NLGN4X: variants seen among roughly 807,000 people sequenced by gnomAD.
NLGN4X encodes neuroligin-4, X-linked.
In NLGN4X, 3 loss-of-function variants were observed where a neutral mutation model predicts 40.3. The observed-to-expected ratio is 0.07, with a 90% CI of 0.03 to 0.19. The LOEUF is 0.19. NLGN4X is among the 10% of genes least tolerant of loss of function. The pLI is 1.00. For synonymous variants in NLGN4X, 270 were observed against 306.8 expected (o/e 0.88, Z 1.25); for missense variants, 382 against 708.3 (o/e 0.54, Z 5.23).
At chrX:6,049,739 G>T (rs2037431866) in intron 2 of NLGN4X, among the ~76,000 whole-genome samples, 1 of 36,481 alleles carries the variant, frequency 2.7e-5, no homozygotes, top group African/African-American at 8.3e-5. Flanking sequence ...ATGGGGGGGG[G>T]GGGCGGTCAC....
intron 1 of NLGN4X, among the ~76,000 whole-genome samples, chrX:6,216,879 T>C (rs1925134373): frequency 8.9e-6 from 1 of 112,018 alleles, no homozygotes; most frequent in African/African-American, 3.3e-5. Context: ...AAACTCCTGA[T>C]ATACTCCTCA....
At chrX:5,987,712 CAG>C (rs1175151154) in intron 3 of NLGN4X, among the ~76,000 whole-genome samples, 7 of 111,877 alleles carry the variant, frequency 6.3e-5, no homozygotes, top group Non-Finnish European at 1.3e-4. Flanking sequence ...AACACATCAC[CAG>C]AGAGTGATTC....
intron 2 of NLGN4X, among the ~76,000 whole-genome samples, chrX:6,104,527 GCTCTCTCT>G (rs34616814): frequency 9.7e-6 from 1 of 103,344 alleles, no homozygotes; most frequent in African/African-American, 3.5e-5. Flanking sequence ...GATCTTTTTT[GCTCTCTCT>G]CTCTCTCTCT....
intron 5 of NLGN4X, among the ~76,000 whole-genome samples, chrX:5,899,350 G>T (rs1315259170): frequency 9.0e-6 from 1 of 111,602 alleles, no homozygotes; most frequent in African/African-American, 3.3e-5. Context: ...GCATCAGAGC[G>T]TCTCTCCAAG....
chrX:6,070,155 T>C (rs2147359555), intron 2 of NLGN4X, among the ~76,000 whole-genome samples: 1 of 110,922 alleles, frequency 9.0e-6, no homozygotes, highest in Admixed American at 9.6e-5. Flanking sequence ...CAACCCTCAA[T>C]TCAAGCTACA....
chrX:5,925,542 G>A (rs1320078188), intron 3 of NLGN4X, among the ~76,000 whole-genome samples: 2 of 109,548 alleles, frequency 1.8e-5, no homozygotes, highest in Middle Eastern at 4.7e-3. Context: ...CCCAGGTATA[G>A]GATCTTAAAT....
intron 2 of NLGN4X, among the ~76,000 whole-genome samples, chrX:6,077,846 A>G (rs965252029): frequency 2.7e-5 from 3 of 111,368 alleles, no homozygotes; most frequent in Non-Finnish European, 3.8e-5. Context: ...AGATACAGGG[A>G]TTGTTCTTTG....
At position 6,108,791 on chromosome X, in the gene NLGN4X, A is replaced by G. The variant is rs759407011; in HGVS notation, c.472+42204T>C. ...TGTAGGTCTGCTCTTTAGTTAGTCA[A>G]TCCCTGCTCATCTCTCAGGTTTTGG... On this transcript the variant is annotated intron_variant, in intron 2 of 5. Coordinates refer to ENST00000381095, the MANE Select transcript of NLGN4X (RefSeq NM_181332.3). 1.2e-4 allele frequency among the ~76,000 whole-genome samples: 13 copies of G among 111,372 alleles called. No individual in the cohort carries two copies. The South Asian group carries it at 5.0e-3, about 43-fold the overall frequency.
At chrX:6,163,050 G>A (rs1181168192) in intron 1 of NLGN4X, among the ~76,000 whole-genome samples, 1 of 111,292 alleles carries the variant, frequency 9.0e-6, no homozygotes, top group Non-Finnish European at 1.9e-5. Flanking sequence ...TTTATAATGA[G>A]GAGTTCCCCT....
chrX:5,895,453 AG>A (rs2146694045), intron 5 of NLGN4X, among the ~76,000 whole-genome samples: 1 of 111,776 alleles, frequency 8.9e-6, no homozygotes, highest in Non-Finnish European at 1.9e-5. Flanking sequence ...TGTATATCAG[AG>A]TACATACTGA....
intron 3 of NLGN4X, among the ~76,000 whole-genome samples, chrX:6,027,912 G>A (rs1017317267): frequency 2.7e-5 from 3 of 109,309 alleles, no homozygotes; most frequent in African/African-American, 1.0e-4. Context: ...GACCTACTGG[G>A]TTCCAGAGAT....
chrX:5,970,490 T>C (rs1390272225), intron 3 of NLGN4X, among the ~76,000 whole-genome samples: 1 of 112,317 alleles, frequency 8.9e-6, no homozygotes, highest in East Asian at 2.8e-4. Context: ...ATTACCAATC[T>C]GAATTTTTCC....
intron 2 of NLGN4X, among the ~76,000 whole-genome samples, chrX:6,146,481 C>T (rs1481533884): frequency 9.0e-6 from 1 of 111,358 alleles, no homozygotes; most frequent in Non-Finnish European, 1.9e-5. Context: ...GTGCAAACTC[C>T]TACAGGTCAT....
At chrX:5,917,696 T>C (rs2032864571) in intron 3 of NLGN4X, among the ~76,000 whole-genome samples, 1 of 111,875 alleles carries the variant, frequency 8.9e-6, no homozygotes, top group Non-Finnish European at 1.9e-5. Context: ...CCTGCTTTCA[T>C]GAATATCAGA....
intron 3 of NLGN4X, among the ~76,000 whole-genome samples, chrX:6,026,241 TA>T (rs10712021): frequency 0.49 from 51,918 of 105,067 alleles, 10,163 homozygotes; most frequent in East Asian, 0.69. Context: ...GTTACTCCAT[TA>T]AAAAAAAAAA....
In NLGN4X at chrX:6,211,946, C is replaced by T. The variant is rs746017480; in HGVS notation, c.-306+16595G>A. Among the ~76,000 whole-genome samples the T allele has an allele frequency of 5.4e-5, 6 of 111,777 alleles. No individual in the cohort carries two copies. In the South Asian group the frequency reaches 2.3e-3, roughly 42 times the overall value. On this transcript the variant is annotated intron_variant, in intron 1 of 5. Transcript: ENST00000381095. Reference sequence around the variant, plus strand: ...ACCATAAGAAAAAAAAACATCCTGCCCTTAAAAGCCTCCTTGAGGCTGGGC... The same window carrying T: ...ACCATAAGAAAAAAAAACATCCTGCTCTTAAAAGCCTCCTTGAGGCTGGGC...
intron 3 of NLGN4X, among the ~76,000 whole-genome samples, chrX:5,957,024 G>A (rs1406094703): frequency 2.7e-5 from 3 of 110,825 alleles, no homozygotes; most frequent in East Asian, 2.9e-4. Flanking sequence ...CAAACTGAGA[G>A]AGAGAGACAG....
At chrX:5,955,593 T>C (rs1419632391) in intron 3 of NLGN4X, among the ~76,000 whole-genome samples, 1 of 110,685 alleles carries the variant, frequency 9.0e-6, no homozygotes, top group Non-Finnish European at 1.9e-5. Context: ...AAGGAGGTTA[T>C]GGAATAGTAA....
At chrX:6,186,500 C>CT (rs1292366548) in intron 1 of NLGN4X, among the ~76,000 whole-genome samples, 4 of 111,832 alleles carry the variant, frequency 3.6e-5, no homozygotes, top group Non-Finnish European at 7.5e-5. Flanking sequence ...TATGCTTGCC[C>CT]TTTTTTCCCA....
Sources: gnomAD v4.1 joint callset for allele counts (sites outside exome capture counted in the v4.1 genomes callset) on GRCh38, gnomAD v4.1.1 for gene constraint, MANE v1.5 for transcripts, NCBI Gene and HGNC (gene_info 2026-07-23, HGNC 2026-07-21) for gene names.